The following ADGRL4 variants were observed in gnomAD, a reference collection of about 807,000 sequenced individuals.
The protein encoded by ADGRL4 is adhesion G protein-coupled receptor L4.
Under a neutral mutation model 74.8 loss-of-function variants are expected in ADGRL4, and 90 were observed. The ratio of observed to expected loss-of-function variants is 1.20; its 90% confidence interval spans 1.02 to 1.43. The LOEUF (loss-of-function observed/expected upper bound fraction) is 1.43, where lower values mean the gene tolerates loss of function less well. Among genes scored for constraint, ADGRL4 ranks in the 40% most tolerant of loss-of-function variants. The pLI, the probability that ADGRL4 is intolerant of heterozygous loss-of-function variation, is 0.00. For missense variants in ADGRL4, 881 were observed against 814.3 expected, an observed-to-expected ratio of 1.08 and a Z score of -1.00; for synonymous variants, 311 against 279.2, an observed-to-expected ratio of 1.11 and a Z score of -1.14.
chr1:78,933,107 C>A lies in ADGRL4; in HGVS notation c.877+3188G>T, dbSNP rs1023678444. Among the ~76,000 whole-genome samples the A allele has an allele frequency of 2.0e-4, 30 of 151,424 alleles. 1 individual carries two copies. Among genetic ancestry groups the A allele is most frequent in the Admixed American group, 8.5e-4 (13 of 15,254 alleles). On this transcript the variant is annotated intron_variant, in intron 7 of 14. Coordinates refer to ENST00000370742, the MANE Select transcript of ADGRL4 (RefSeq NM_022159.4). The stretch of plus-strand genomic sequence containing the variant: ...GCCAGCCATCATCCTGATACCAAAA[C>A]CTGGCAGAGACACAACAATAAAAGA...
In ADGRL4 at chr1:78,920,199, T is replaced by C. The variant is rs558814485; in HGVS notation, c.1445A>G (p.Asn482Ser). 6 of 1,611,048 alleles carry C rather than the reference T, an allele frequency of 3.7e-6. No homozygotes were observed. The highest frequency in any genetic ancestry group is 3.3e-5 in the Admixed American group (2 of 59,784). ...LAELVFLVGINTNTNKLFCSI... is the reference protein window; with the variant it reads ...LAELVFLVGISTNTNKLFCSI... ...CCTACATACCTTATTAGTATTTGTA[T>C]TGATCCCAACAAGAAAAACAAGTTC... The change falls in exon 10 of 15, where the codon AAT becomes AGT. Residue 482 changes from asparagine (N) to serine (S), a missense_variant. By Grantham distance (46) the Asn-to-Ser change is conservative (BLOSUM62 1). Transcript: ENST00000370742.
intron 11 of ADGRL4, 57 bp downstream of exon 11, chr1:78,917,773 A>G (rs12569007): frequency 6.3e-7 from 1 of 1,580,746 alleles, no homozygotes; most frequent in African/African-American, 1.4e-5. Context: ...TTATCAAAGA[A>G]ATGCAAAGCA....
At chr1:78,990,597 C>T (rs542936408) in intron 2 of ADGRL4, among the ~76,000 whole-genome samples, 12 of 151,894 alleles carry the variant, frequency 7.9e-5, no homozygotes, top group South Asian at 4.2e-4. Context: ...ACAATTAATG[C>T]TTTTACTGAA....
In ADGRL4 at chr1:78,911,897, A is replaced by G. The variant is rs186513715; in HGVS notation, c.1749+5737T>C. Reference sequence around the variant, plus strand: ...ATCTGCATATTAGGAACCCAAGGCTAGGCGTAGAAAAATAGCTTCAGAGAG... The same window carrying G: ...ATCTGCATATTAGGAACCCAAGGCTGGGCGTAGAAAAATAGCTTCAGAGAG... On this transcript the variant is annotated intron_variant, in intron 12 of 14. Coordinates refer to ENST00000370742, the MANE Select transcript of ADGRL4 (RefSeq NM_022159.4). Among the ~76,000 whole-genome samples, 286 of 152,028 alleles carry G rather than the reference A, an allele frequency of 1.9e-3. 1 individual carries two copies. Among genetic ancestry groups the G allele is most frequent in the Middle Eastern group, 3.4e-3 (1 of 294 alleles).
At position 78,980,980 on chromosome 1, in the gene ADGRL4, C is replaced by G. The variant is rs1246736561; in HGVS notation, c.172+24090G>C. ...TTAGTCTCCCTTATGTTAGAAACTA[C>G]CAGACATTTGTGCAGTGTAGCCTAA... On this transcript the variant is annotated intron_variant, in intron 2 of 14. Coordinates refer to ENST00000370742, the MANE Select transcript of ADGRL4 (RefSeq NM_022159.4). Among the ~76,000 whole-genome samples the G allele has an allele frequency of 2.6e-5, 4 of 152,070 alleles. No homozygotes were observed. The East Asian group carries it at 7.8e-4, about 29-fold the overall frequency.
At chr1:78,978,345 C>A (rs1650330592) in intron 2 of ADGRL4, among the ~76,000 whole-genome samples, 1 of 151,880 alleles carries the variant, frequency 6.6e-6, no homozygotes, top group African/African-American at 2.4e-5. Flanking sequence ...TTCACTCACA[C>A]TATTTTTGTT....
chr1:78,955,870 A>C (rs1649819061), intron 2 of ADGRL4, among the ~76,000 whole-genome samples: 1 of 152,148 alleles, frequency 6.6e-6, no homozygotes, highest in Non-Finnish European at 1.5e-5. Context: ...ACACATCATC[A>C]GTGCAATAAA....
intron 12 of ADGRL4, among the ~76,000 whole-genome samples, chr1:78,899,815 T>C (rs1475652429): frequency 6.6e-6 from 1 of 152,102 alleles, no homozygotes; most frequent in African/African-American, 2.4e-5. Flanking sequence ...AGTGCCTTAG[T>C]TACAATGCTT....
At chr1:78,938,687 A>G (rs901275289) in intron 4 of ADGRL4, among the ~76,000 whole-genome samples, 6 of 152,100 alleles carry the variant, frequency 3.9e-5, no homozygotes, top group Non-Finnish European at 7.4e-5. Flanking sequence ...AATCAACCAA[A>G]GAAAATTCTT....
chr1:78,978,057 A>G (rs1375574059), intron 2 of ADGRL4, among the ~76,000 whole-genome samples: 1 of 151,904 alleles, frequency 6.6e-6, no homozygotes, highest in Non-Finnish European at 1.5e-5. Flanking sequence ...ACTCTGCTCT[A>G]TCACCTCCTT....
chr1:78,999,835 T>TAC (rs1557526162), intron 2 of ADGRL4, among the ~76,000 whole-genome samples: 48 of 116,926 alleles, frequency 4.1e-4, no homozygotes, highest in African/African-American at 1.5e-3. Flanking sequence ...TATCTATCTA[T>TAC]CTATCTACCT....
intron 7 of ADGRL4, among the ~76,000 whole-genome samples, chr1:78,932,999 G>T (rs1196851346): frequency 6.6e-6 from 1 of 151,238 alleles, no homozygotes; most frequent in Non-Finnish European, 1.5e-5. Context: ...TACCAGAGGT[G>T]CAAAGAAGAG....
Position 79,002,597 on chromosome 1 carries a change from C to G in ADGRL4, c.172+2473G>C, listed in dbSNP as rs184929339. 3.5e-4 allele frequency among the ~76,000 whole-genome samples: 54 copies of G among 152,180 alleles called. 1 individual carries two copies. The East Asian group carries it at 0.01, about 29-fold the overall frequency. On this transcript the variant is annotated intron_variant, in intron 2 of 14. Transcript: ENST00000370742. The stretch of plus-strand genomic sequence containing the variant: ...ATAAATTATGTCTATTAGGAAATGA[C>G]TCTGTTAGGTAGAATAAACTGAATT...
chr1:78,969,249 C>G (rs1313967329), intron 2 of ADGRL4, among the ~76,000 whole-genome samples: 1 of 152,124 alleles, frequency 6.6e-6, no homozygotes, highest in Non-Finnish European at 1.5e-5. Flanking sequence ...AATAAGAATC[C>G]ATTTTTCTTT....
chr1:78,961,571 G>A (rs923716945), intron 2 of ADGRL4, among the ~76,000 whole-genome samples: 7 of 152,078 alleles, frequency 4.6e-5, no homozygotes, highest in African/African-American at 1.7e-4. Context: ...GTTTAGCTCT[G>A]TTTAGTAAAG....
At chr1:78,953,942 G>A (rs1649779326) in intron 2 of ADGRL4, among the ~76,000 whole-genome samples, 1 of 152,162 alleles carries the variant, frequency 6.6e-6, no homozygotes, top group African/African-American at 2.4e-5. Context: ...GAGGTCAGGA[G>A]TTTGAAACTA....
chr1:78,988,303 C>T (rs897099771), intron 2 of ADGRL4, among the ~76,000 whole-genome samples: 2 of 151,684 alleles, frequency 1.3e-5, no homozygotes, highest in Non-Finnish European at 3.0e-5. Context: ...GGAGTTTCTC[C>T]CTCTGGCCAA....
chr1:78,926,401 AAAAAT>A (rs1282508546), intron 8 of ADGRL4, among the ~76,000 whole-genome samples: 1 of 152,036 alleles, frequency 6.6e-6, no homozygotes, highest in Non-Finnish European at 1.5e-5. Flanking sequence ...ATTTAGAATA[AAAAAT>A]AAAAGAGTAA....
chr1:78,983,490 GAAC>G (rs1439953811), intron 2 of ADGRL4, among the ~76,000 whole-genome samples: 1 of 151,062 alleles, frequency 6.6e-6, no homozygotes, highest in Non-Finnish European at 1.5e-5. Context: ...CGAACTGGTT[GAAC>G]AACAGATTAA....
Sources: allele counts gnomAD v4.1 joint callset (sites outside exome capture counted in the v4.1 genomes callset), GRCh38; gene constraint gnomAD v4.1.1; transcripts MANE v1.5; gene names NCBI Gene and HGNC (gene_info 2026-07-23, HGNC 2026-07-21).